Variants in KCNK12 observed in about 807,000 individuals in gnomAD.
KCNK12 encodes the protein potassium two pore domain channel subfamily K member 12.
In KCNK12, 6 loss-of-function variants were observed where a neutral mutation model predicts 25.3. The observed-to-expected ratio is 0.24, with a 90% confidence interval of 0.13 to 0.47. The LOEUF is 0.47. KCNK12 is among the 20% of genes least tolerant of loss of function. KCNK12 has a pLI of 0.99. For synonymous variants in KCNK12, 331 were observed against 311.1 expected (o/e 1.06, Z -0.67); for missense variants, 444 against 661.7 (o/e 0.67, Z 3.61).
chr2:47,530,228 T>G (rs958914259), intron 1 of KCNK12, among the ~76,000 whole-genome samples: 1 of 152,148 alleles, frequency 6.6e-6, no homozygotes, highest in Admixed American at 6.5e-5. Flanking sequence ...AGGGCGGGGC[T>G]GCCAACAGCC....
At position 47,520,879 on chromosome 2, in the gene KCNK12, G is replaced by A. The variant is rs1668637076; in HGVS notation, c.*28C>T. On this transcript the variant is annotated 3_prime_UTR_variant, in exon 2 of 2. Coordinates refer to ENST00000327876, the MANE Select transcript of KCNK12 (RefSeq NM_022055.2). This position sits in a 1 kb window ranked among gnomAD's most constrained non-coding sequence, Gnocchi z 5.0. ...GCCCGGCGGCCCCGCGGCCTGGAGA[G>A]GGTCCCCGGCGCGGGCGGACGGGCG... The A allele has an allele frequency of 1.6e-6, 2 of 1,236,268 alleles. No homozygotes were observed. The highest frequency in any genetic ancestry group is 3.2e-5 in the East Asian group (1 of 31,702). 76.6% of individuals were successfully genotyped at this position (1,236,268 alleles called of 1,614,324 possible).
intron 1 of KCNK12, chr2:47,535,097 A>C (rs1216746465): frequency 4.3e-6 from 1 of 230,526 alleles, no homozygotes; most frequent in African/African-American, 2.2e-5. Context: ...CCACTCCTTA[A>C]GGGCCCGGCT....
At chr2:47,553,814 T>A (rs1314330097) in intron 1 of KCNK12, among the ~76,000 whole-genome samples, 1 of 152,156 alleles carries the variant, frequency 6.6e-6, no homozygotes, top group African/African-American at 2.4e-5. Flanking sequence ...TTAACTTGCT[T>A]AAGGCAGGCT....
In KCNK12 at chr2:47,562,862, G is replaced by A. The variant is rs1412746662; in HGVS notation, c.391+7079C>T. 1 of 233,144 alleles carries A rather than the reference G, an allele frequency of 4.3e-6. No individual in the cohort carries two copies. Among genetic ancestry groups the A allele is most frequent in the African/African-American group, 2.2e-5 (1 of 45,318 alleles). The allele number at this position is 233,144 out of a possible 1,614,324, so 14.4% of individuals were successfully genotyped here. On this transcript the variant is annotated intron_variant, in intron 1 of 1. Coordinates refer to ENST00000327876, the MANE Select transcript of KCNK12 (RefSeq NM_022055.2). This position sits in a 1 kb window ranked among gnomAD's most constrained non-coding sequence, Gnocchi z 4.8. ...AAAACTTTGGTGAGGATCAGAGGCT[G>A]GACTCTGCCCAAAGCACCCACCTTG...
At chr2:47,561,539 C>T (rs543295526) in intron 1 of KCNK12, among the ~76,000 whole-genome samples, 2 of 152,034 alleles carry the variant, frequency 1.3e-5, no homozygotes, top group South Asian at 2.1e-4. Flanking sequence ...GTGGTGTGGC[C>T]GGGTGAGCTA....
chr2:47,524,373 T>G (rs1272387110), intron 1 of KCNK12, among the ~76,000 whole-genome samples: 1 of 152,136 alleles, frequency 6.6e-6, no homozygotes, highest in Non-Finnish European at 1.5e-5. Context: ...TATACAGCAA[T>G]TAAAAAGCAT....
rs1316944117 is a variant in KCNK12 at position 47,518,487 on chromosome 2, T to C, written c.*2420A>G. On this transcript the variant is annotated 3_prime_UTR_variant, in exon 2 of 2. Coordinates refer to ENST00000327876, the MANE Select transcript of KCNK12 (RefSeq NM_022055.2). The surrounding 1 kb of genome is among the most constrained non-coding windows in gnomAD (Gnocchi z 4.1). ...AGTAAAAACAGCTGAGGCTGCAGCA[T>C]AAGCAACTTAGGATAGAGTCTAGGA... 6.6e-6 allele frequency: 1 copy of C among 152,220 alleles called. No individual in the cohort carries two copies. Among genetic ancestry groups the C allele is most frequent in the Non-Finnish European group, 1.5e-5 (1 of 68,040 alleles). 9.4% of individuals were successfully genotyped at this position (152,220 alleles called of 1,614,324 possible).
Position 47,540,653 on chromosome 2 carries a change from C to T in KCNK12, c.392-18845G>A, listed in dbSNP as rs1274746594. ...CTTTAAAGATCTGTTAGGCTAGGCA[C>T]GGTGGCTTATGCCTGTCATGCCAGC... On this transcript the variant is annotated intron_variant, in intron 1 of 1. Coordinates refer to ENST00000327876, the MANE Select transcript of KCNK12 (RefSeq NM_022055.2). The surrounding 1 kb of genome is among the most constrained non-coding windows in gnomAD (Gnocchi z 5.4). 6.6e-6 allele frequency among the ~76,000 whole-genome samples: 1 copy of T among 152,170 alleles called. No individual in the cohort carries two copies. Among genetic ancestry groups the T allele is most frequent in the South Asian group, 2.1e-4 (1 of 4,830 alleles).
At position 47,518,765 on chromosome 2, in the gene KCNK12, C is replaced by G. The variant is rs1160447886; in HGVS notation, c.*2142G>C. On this transcript the variant is annotated 3_prime_UTR_variant, in exon 2 of 2. Coordinates refer to ENST00000327876, the MANE Select transcript of KCNK12 (RefSeq NM_022055.2). This position sits in a 1 kb window ranked among gnomAD's most constrained non-coding sequence, Gnocchi z 4.1. ...TGCCCGCAGATCAAGTCCTCACTGT[C>G]TAGATGCCTCTATCATGGGGATCTC... 1 of 152,348 alleles carries G rather than the reference C, an allele frequency of 6.6e-6. No individual in the cohort carries two copies. Among genetic ancestry groups the G allele is most frequent in the East Asian group, 1.9e-4 (1 of 5,200 alleles). The allele number at this position is 152,348 out of a possible 1,614,324, so 9.4% of individuals were successfully genotyped here.
In KCNK12 at chr2:47,513,317, G is replaced by GCAAAA. The variant is rs1366894340; in HGVS notation, c.*7589_*7590insTTTTG. On this transcript the variant is annotated 3_prime_UTR_variant, in exon 2 of 2. Coordinates refer to ENST00000327876, the MANE Select transcript of KCNK12 (RefSeq NM_022055.2). Reference sequence around the variant, plus strand: ...TTTCCCTTTGCTAAATCTTGTGGGTGTTTTCTTCAGTCCTTGTCTTAATCA... The same window carrying GCAAAA: ...TTTCCCTTTGCTAAATCTTGTGGGTGCAAAATTTTCTTCAGTCCTTGTCTTAATCA... The GCAAAA allele has an allele frequency of 6.6e-6, 1 of 152,178 alleles. No individual in the cohort carries two copies. The highest frequency in any genetic ancestry group is 6.5e-5 in the Admixed American group (1 of 15,282). The allele number at this position is 152,178 out of a possible 1,614,324, so 9.4% of individuals were successfully genotyped here.
At chr2:47,545,028 C>T (rs1331005181) in intron 1 of KCNK12, among the ~76,000 whole-genome samples, 2 of 151,962 alleles carry the variant, frequency 1.3e-5, no homozygotes, top group South Asian at 2.1e-4. Flanking sequence ...ATCTGTTATT[C>T]GAGTGAATTA....
At chr2:47,530,303 A>G (rs923460152) in intron 1 of KCNK12, among the ~76,000 whole-genome samples, 2 of 152,128 alleles carry the variant, frequency 1.3e-5, no homozygotes, top group African/African-American at 4.8e-5. Context: ...GGCCAGACTC[A>G]GTGGGGGAGG....
intron 1 of KCNK12, among the ~76,000 whole-genome samples, chr2:47,524,625 C>T (rs1187346020): frequency 6.6e-6 from 1 of 152,098 alleles, no homozygotes; most frequent in Non-Finnish European, 1.5e-5. Flanking sequence ...GGGGTAGTAG[C>T]TGAGAGGGGA....
rs559928650 is a variant in KCNK12, at chr2:47,551,448, T to TC, written c.391+18492dup. On this transcript the variant is annotated intron_variant, in intron 1 of 1. Coordinates refer to ENST00000327876, the MANE Select transcript of KCNK12 (RefSeq NM_022055.2). The surrounding 1 kb of genome is among the most constrained non-coding windows in gnomAD (Gnocchi z 5.3). Reference sequence around the variant, plus strand: ...TTTATTTGTATGTTTATTTTCTATCTCCCCCAACTAGAATGTTAGCTCCAT... The same window carrying TC: ...TTTATTTGTATGTTTATTTTCTATCTCCCCCCAACTAGAATGTTAGCTCCAT... Among the ~76,000 whole-genome samples, 72 of 152,280 alleles carry TC rather than the reference T, an allele frequency of 4.7e-4. No homozygotes were observed. In the South Asian group the frequency reaches 0.014, roughly 29 times the overall value.
At chr2:47,527,996 C>G (rs150935692) in intron 1 of KCNK12, among the ~76,000 whole-genome samples, 9 of 152,332 alleles carry the variant, frequency 5.9e-5, no homozygotes, top group East Asian at 3.9e-4. Context: ...GATCCTACCC[C>G]CTTTGCTGCC....
In KCNK12 at chr2:47,525,436, T is replaced by A. The variant is rs990993392; in HGVS notation, c.392-3628A>T. Among the ~76,000 whole-genome samples, 7 of 152,062 alleles carry A rather than the reference T, an allele frequency of 4.6e-5. No homozygotes were observed. Among genetic ancestry groups the A allele is most frequent in the Non-Finnish European group, 7.4e-5 (5 of 67,988 alleles). On this transcript the variant is annotated intron_variant, in intron 1 of 1. Coordinates refer to ENST00000327876, the MANE Select transcript of KCNK12 (RefSeq NM_022055.2). This position sits in a 1 kb window ranked among gnomAD's most constrained non-coding sequence, Gnocchi z 4.1. ...TCACAGGCCTACCCAGAGTGGAGCA[T>A]GGTGAGGGTTCTGGGAGAACCCGGC... is the stretch of plus-strand genomic sequence containing the variant.
At position 47,519,299 on chromosome 2, in the gene KCNK12, G is replaced by C. The variant is rs759683405; in HGVS notation, c.*1608C>G. The C allele has an allele frequency of 6.6e-6, 1 of 152,196 alleles. No homozygotes were observed. Among genetic ancestry groups the C allele is most frequent in the Non-Finnish European group, 1.5e-5 (1 of 68,038 alleles). 9.4% of individuals were successfully genotyped at this position (152,196 alleles called of 1,614,324 possible). ...TCTAATGCTGGGTGCGTGAGCGCAT[G>C]CGTGCATGTTTGTGTGTGTGTGTGT... On this transcript the variant is annotated 3_prime_UTR_variant, in exon 2 of 2. Transcript: ENST00000327876.
Position 47,548,349 on chromosome 2 carries a change from C to T in KCNK12, c.391+21592G>A, listed in dbSNP as rs1029615788. 4.6e-5 allele frequency among the ~76,000 whole-genome samples: 7 copies of T among 152,286 alleles called. No individual in the cohort carries two copies. Among genetic ancestry groups the T allele is most frequent in the African/African-American group, 1.2e-4 (5 of 41,546 alleles). On this transcript the variant is annotated intron_variant, in intron 1 of 1. Coordinates refer to ENST00000327876, the MANE Select transcript of KCNK12 (RefSeq NM_022055.2). The surrounding 1 kb of genome is among the most constrained non-coding windows in gnomAD (Gnocchi z 4.4). ...TGGCCTATCCACTATCTAACTGGCA[C>T]CCGGCTTGGAAGTGGAAAAGTCATT...
intron 1 of KCNK12, among the ~76,000 whole-genome samples, chr2:47,553,049 C>G (rs1361336065): frequency 6.6e-6 from 1 of 152,196 alleles, no homozygotes; most frequent in East Asian, 1.9e-4. Context: ...CATCCTGCCA[C>G]AAATATTCAG....
Sources: allele counts gnomAD v4.1 joint callset (sites outside exome capture counted in the v4.1 genomes callset), GRCh38; gene constraint gnomAD v4.1.1; non-coding constraint Gnocchi (gnomAD v3.1); transcripts MANE v1.5; gene names NCBI Gene and HGNC (gene_info 2026-07-23, HGNC 2026-07-21).